The following FAT3 variants were observed in gnomAD, a reference collection of about 807,000 sequenced individuals.
FAT3 encodes the protein FAT atypical cadherin 3, also known as protocadherin Fat 3.
In FAT3, 95 loss-of-function variants were observed where a neutral mutation model predicts 310.2. That is an observed-to-expected ratio of 0.31 (90% CI 0.26 to 0.36). FAT3 has a LOEUF of 0.36. Among genes scored for constraint, FAT3 ranks in the 10% least tolerant of loss-of-function variants. The probability of loss-of-function intolerance (pLI) is 1.00; values close to 1 mark genes in which losing one functional copy is unlikely to be tolerated. For synonymous variants in FAT3, 2,314 were observed against 2,192.9 expected, an observed-to-expected ratio of 1.06 and a Z score of -1.54; for missense variants, 5,408 against 5,715.6, an observed-to-expected ratio of 0.95 and a Z score of 1.74.
rs759869197 is a variant in FAT3 at position 92,844,171 on chromosome 11, G to A, written c.10804G>A (p.Asp3602Asn). 8 of 1,613,900 alleles carry A rather than the reference G, an allele frequency of 5.0e-6. No homozygotes were observed. The highest frequency in any genetic ancestry group is 2.2e-5 in the South Asian group (2 of 91,086). ...QKSLFKVNSH[D>N]GKIIALGGLD... is the part of the protein sequence containing the mutation. ...AAGCTTATTTAAAGTGAACAGTCAC[G>A]ATGGGAAAATCATCGCCCTGGGAGG... Residue 3602 changes from aspartate to asparagine, a missense_variant, in exon 19 of 28, where the codon GAT becomes AAT. By Grantham distance (23) the Asp-to-Asn change is conservative. Coordinates refer to ENST00000525166, the MANE Select transcript of FAT3 (RefSeq NM_001367949.2).
intron 3 of FAT3, among the ~76,000 whole-genome samples, chr11:92,673,489 A>G (rs554239295): frequency 1.0e-3 from 158 of 152,314 alleles, no homozygotes; most frequent in Admixed American, 1.4e-3. Context: ...ATATGGCAGT[A>G]TACGAGTGCA....
At chr11:92,689,335 A>G (rs1943728905) in intron 3 of FAT3, among the ~76,000 whole-genome samples, 1 of 152,132 alleles carries the variant, frequency 6.6e-6, no homozygotes, top group Non-Finnish European at 1.5e-5. Flanking sequence ...CAGAATTATG[A>G]AAAAAATCTT....
chr11:92,689,978 A>G (rs1943751326), intron 3 of FAT3, among the ~76,000 whole-genome samples: 1 of 152,124 alleles, frequency 6.6e-6, no homozygotes, highest in Admixed American at 6.5e-5. Context: ...TGAACCTTAG[A>G]ACTCTCCGTC....
At chr11:92,372,651 A>G (rs1949222244) in intron 2 of FAT3, among the ~76,000 whole-genome samples, 1 of 144,656 alleles carries the variant, frequency 6.9e-6, no homozygotes, top group Admixed American at 6.7e-5. Context: ...TCTTTGATTG[A>G]CATGGGCAAA....
At chr11:92,411,521 A>G (rs928243732) in intron 2 of FAT3, among the ~76,000 whole-genome samples, 1 of 152,104 alleles carries the variant, frequency 6.6e-6, no homozygotes, top group South Asian at 2.1e-4. Flanking sequence ...ACCTTTTCTC[A>G]GGGCAAGACC....
chr11:92,654,424 C>G (rs752606400), intron 3 of FAT3, among the ~76,000 whole-genome samples: 6 of 152,186 alleles, frequency 3.9e-5, no homozygotes, highest in East Asian at 1.9e-4. Flanking sequence ...CTTGATTTCT[C>G]TCTACCGGGT....
intron 1 of FAT3, among the ~76,000 whole-genome samples, chr11:92,293,689 G>A (rs2134403560): frequency 6.6e-6 from 1 of 151,546 alleles, no homozygotes; most frequent in African/African-American, 2.4e-5. Flanking sequence ...AAAGGATCAG[G>A]AGGTCTTCTA....
chr11:92,710,319 G>C (rs939724792), intron 4 of FAT3, among the ~76,000 whole-genome samples: 19 of 152,190 alleles, frequency 1.2e-4, no homozygotes, highest in Admixed American at 1.2e-3. Context: ...GATCCCATAG[G>C]ATACCAAATG....
In FAT3 at chr11:92,229,732, A is replaced by T. The variant is rs923299641; in HGVS notation, c.-18+4558A>T. The stretch of plus-strand genomic sequence containing the variant: ...CAAATGACCCATTCTAGCAGTTCTG[A>T]ATTGGAATGGCATTTTCAGGTTAGT... On this transcript the variant is annotated intron_variant, in intron 1 of 27. Transcript: ENST00000525166. Among the ~76,000 whole-genome samples the T allele has an allele frequency of 6.6e-5, 10 of 150,592 alleles. 1 individual carries two copies. Among genetic ancestry groups the T allele is most frequent in the African/African-American group, 2.4e-4 (10 of 41,078 alleles).
At chr11:92,492,022 T>C (rs927976483) in intron 2 of FAT3, among the ~76,000 whole-genome samples, 1 of 152,002 alleles carries the variant, frequency 6.6e-6, no homozygotes, top group Non-Finnish European at 1.5e-5. Flanking sequence ...CATGCAGAAG[T>C]GTGTTCTTAT....
chr11:92,879,737 T>C (rs1214653853), intron 22 of FAT3, among the ~76,000 whole-genome samples: 4 of 152,014 alleles, frequency 2.6e-5, no homozygotes, highest in African/African-American at 4.8e-5. Context: ...AAAAAAAGCA[T>C]AGTGGAAAGC....
intron 3 of FAT3, among the ~76,000 whole-genome samples, chr11:92,530,179 G>A (rs1954019452): frequency 6.6e-6 from 1 of 152,158 alleles, no homozygotes; most frequent in Non-Finnish European, 1.5e-5. Flanking sequence ...AAGAGAGGGG[G>A]TAACAGGGAG....
intron 15 of FAT3, 32 bp downstream of exon 15, chr11:92,835,116 T>G: frequency 6.4e-7 from 1 of 1,562,232 alleles, no homozygotes; most frequent in Non-Finnish European, 8.8e-7. Flanking sequence ...TGGTTCTAGA[T>G]GTTTGGGACT....
intron 12 of FAT3, 106 bp from the exon 13 acceptor site, chr11:92,809,737 T>C (rs1376378416): frequency 1.2e-6 from 1 of 805,052 alleles, no homozygotes; most frequent in Non-Finnish European, 2.0e-6. Context: ...CAAATGATGT[T>C]AGTCCTTCCT....
intron 3 of FAT3, among the ~76,000 whole-genome samples, chr11:92,648,372 G>A (rs979803518): frequency 2.0e-5 from 3 of 152,106 alleles, no homozygotes; most frequent in African/African-American, 7.2e-5. Context: ...CTTACCTTTG[G>A]GGGTGTGCTG....
At chr11:92,602,533 T>A (rs1299251973) in intron 3 of FAT3, among the ~76,000 whole-genome samples, 1 of 152,246 alleles carries the variant, frequency 6.6e-6, no homozygotes, top group Non-Finnish European at 1.5e-5. Context: ...CCCAGGCAGT[T>A]TGACTTTTGA....
chr11:92,354,885 T>C lies in FAT3; in HGVS notation c.2773T>C (p.Phe925Leu), dbSNP rs1449159312. 1 of 1,613,908 alleles carries C rather than the reference T, an allele frequency of 6.2e-7. No homozygotes were observed. The highest frequency in any genetic ancestry group is 8.5e-7 in the Non-Finnish European group (1 of 1,179,862). The change falls in exon 2 of 28, where the codon TTT (phenylalanine) becomes CTT (leucine). Residue 925 changes from phenylalanine to leucine, a missense_variant. Coordinates refer to ENST00000525166, the MANE Select transcript of FAT3 (RefSeq NM_001367949.2). ...QLFSVVTLKV[F>L]LDDVNDCSPA... is the part of the protein sequence containing the mutation. ...GTTTTCAGTTGTCACTCTTAAAGTT[T>C]TTTTAGATGATGTCAATGACTGCTC...
At chr11:92,579,580 G>A (rs573830202) in intron 3 of FAT3, among the ~76,000 whole-genome samples, 25 of 152,056 alleles carry the variant, frequency 1.6e-4, no homozygotes, top group Non-Finnish European at 3.1e-4. Context: ...TGGGGACAGA[G>A]TACTTCAATA....
At chr11:92,779,492 TG>T (rs1202756332) in intron 7 of FAT3, among the ~76,000 whole-genome samples, 1 of 151,754 alleles carries the variant, frequency 6.6e-6, no homozygotes, top group Non-Finnish European at 1.5e-5. Context: ...AAAAGAATAA[TG>T]GGATGAGTAT....
Sources: gnomAD v4.1 joint callset for allele counts (sites outside exome capture counted in the v4.1 genomes callset) on GRCh38, gnomAD v4.1.1 for gene constraint, MANE v1.5 for transcripts, NCBI Gene and HGNC (gene_info 2026-07-23, HGNC 2026-07-21) for gene names.